EIF2AK4: variants seen among roughly 807,000 people sequenced by gnomAD.
The protein encoded by EIF2AK4 is eIF-2-alpha kinase GCN2.
EIF2AK4 carries 139 observed loss-of-function variants against 211.1 expected under a neutral mutation model. That is an observed-to-expected ratio of 0.66 (90% confidence interval 0.57 to 0.76). The LOEUF (loss-of-function observed/expected upper bound fraction) is 0.76, where lower values mean the gene tolerates loss of function less well. Ranked by LOEUF, EIF2AK4 falls within the 30% of genes least tolerant of loss-of-function variation. The probability of loss-of-function intolerance (pLI) is 0.00; values close to 1 mark genes in which losing one functional copy is unlikely to be tolerated. For missense variants in EIF2AK4, 1,664 were observed against 2,043.8 expected, an observed-to-expected ratio of 0.81 and a Z score of 3.58; for synonymous variants, 710 against 751.3, an observed-to-expected ratio of 0.94 and a Z score of 0.90.
chr15:40,029,940 A>G (rs768512197), intron 34 of EIF2AK4, among the ~76,000 whole-genome samples: 1 of 152,206 alleles, frequency 6.6e-6, no homozygotes, highest in African/African-American at 2.4e-5. Context: ...ATGAGAAGAC[A>G]TATTTGGCTT....
intron 25 of EIF2AK4, among the ~76,000 whole-genome samples, chr15:40,009,069 T>TTTTTGTTTTGTTTTGTTTTGTTTTG (rs57240792): frequency 1.3e-4 from 19 of 146,642 alleles, no homozygotes; most frequent in African/African-American, 4.5e-4. Flanking sequence ...GTCAGAGTTG[T>TTTTTGTTTTGTTTTGTTTTGTTTTG]TTTTGTTTTG....
intron 13 of EIF2AK4, among the ~76,000 whole-genome samples, chr15:39,981,205 A>G (rs1306866585): frequency 6.6e-6 from 1 of 152,090 alleles, no homozygotes; most frequent in Non-Finnish European, 1.5e-5. Context: ...CCCCATCTCT[A>G]CTAAAAATAC....
At chr15:39,948,687 G>C (rs115238440) in intron 3 of EIF2AK4, among the ~76,000 whole-genome samples, 2,675 of 152,264 alleles carry the variant, frequency 0.018, 81 homozygotes, top group African/African-American at 0.061. Context: ...AAAAAGCTCT[G>C]ATCTTAGCAA....
chr15:40,033,540 CTTT>C (rs1210332082), intron 37 of EIF2AK4, among the ~76,000 whole-genome samples: 1 of 152,154 alleles, frequency 6.6e-6, no homozygotes, highest in Non-Finnish European at 1.5e-5. Context: ...TCAAAGAATA[CTTT>C]TTTGTCTATC....
chr15:40,028,111 T>G (rs984644820), intron 33 of EIF2AK4, among the ~76,000 whole-genome samples: 5 of 151,836 alleles, frequency 3.3e-5, no homozygotes, highest in Non-Finnish European at 7.4e-5. Context: ...GTCTCACTTT[T>G]GCCGAGGCTG....
At chr15:39,957,093 A>G (rs1178145425) in intron 6 of EIF2AK4, among the ~76,000 whole-genome samples, 1 of 152,216 alleles carries the variant, frequency 6.6e-6, no homozygotes. Flanking sequence ...CAGAGTTTGA[A>G]GTTGTCAGAG....
intron 1 of EIF2AK4, among the ~76,000 whole-genome samples, chr15:39,936,447 C>T (rs1037985161): frequency 1.3e-5 from 2 of 152,190 alleles, no homozygotes; most frequent in Non-Finnish European, 2.9e-5. Context: ...GAGTTTCTCT[C>T]TGTCGCCCGG....
chr15:40,022,470 G>A, intron 31 of EIF2AK4, 49 bp from the exon 32 acceptor site: 1 of 1,474,614 alleles, frequency 6.8e-7, no homozygotes, highest in South Asian at 1.2e-5. Context: ...ACTTGAAGCT[G>A]TTCCAGGTGC....
At position 40,016,666 on chromosome 15, in the gene EIF2AK4, G is replaced by C; in HGVS notation, c.3924G>C (p.Lys1308Asn). Residue 1308 changes from lysine (K) to asparagine (N), a missense_variant, in exon 28 of 39, where the codon AAG becomes AAC. Around this residue, in one of 7 missense-constraint regions of EIF2AK4, gnomAD observed 622 missense variants for 796.8 expected, o/e 0.78. Coordinates refer to ENST00000263791, the MANE Select transcript of EIF2AK4 (RefSeq NM_001013703.4). ...VVGLLKKLGI[K>N]LQVLINLGLV... ...GACTGTTGAAGAAACTCGGCATCAAGTTACAGGTTTGGCAACAGTTTGATA... is the reference window on the plus strand; with the variant it reads ...GACTGTTGAAGAAACTCGGCATCAACTTACAGGTTTGGCAACAGTTTGATA... The C allele has an allele frequency of 6.2e-7, 1 of 1,614,058 alleles. No individual in the cohort carries two copies. The highest frequency in any genetic ancestry group is 8.5e-7 in the Non-Finnish European group (1 of 1,179,982).
chr15:39,935,999 G>A (rs1209815686), intron 1 of EIF2AK4, among the ~76,000 whole-genome samples: 1 of 152,132 alleles, frequency 6.6e-6, no homozygotes, highest in Non-Finnish European at 1.5e-5. Flanking sequence ...GCCAAAATAG[G>A]TGTCTCAAAG....
chr15:40,010,212 C>T (rs1430904967), intron 26 of EIF2AK4, among the ~76,000 whole-genome samples: 2 of 152,342 alleles, frequency 1.3e-5, no homozygotes, highest in East Asian at 3.9e-4. Context: ...TATTACCTTT[C>T]CTTTAGAGAC....
At chr15:39,951,514 A>G (rs575724109) in intron 4 of EIF2AK4, 2 of 397,102 alleles carry the variant, frequency 5.0e-6, no homozygotes, top group Admixed American at 3.2e-5. Context: ...CAAAGCACCA[A>G]TAGCTGCACT....
At chr15:39,981,485 G>A (rs2034784396) in intron 13 of EIF2AK4, among the ~76,000 whole-genome samples, 1 of 152,130 alleles carries the variant, frequency 6.6e-6, no homozygotes, top group South Asian at 2.1e-4. Flanking sequence ...TCAGTTAAGG[G>A]CAGCATCCAT....
chr15:39,943,462 C>G lies in EIF2AK4; in HGVS notation c.337C>G (p.Leu113Val). The G allele has an allele frequency of 6.4e-7, 1 of 1,567,788 alleles. No individual in the cohort carries two copies. The highest frequency in any genetic ancestry group is 8.6e-7 in the Non-Finnish European group (1 of 1,162,996). ...TTTGTTAAAATCTCGCCTAGAAGAACTGGCCAAGAAACACTGTGGGGAGGT... is the reference window on the plus strand; with the variant it reads ...TTTGTTAAAATCTCGCCTAGAAGAAGTGGCCAAGAAACACTGTGGGGAGGT... ...VNLLKSRLEE[L>V]AKKHCGEVMI... Residue 113 changes from leucine (L) to valine (V), a missense_variant, in exon 3 of 39, where the codon CTG becomes GTG. Physicochemically the swap from Leu to Val is conservative, Grantham distance 32 (BLOSUM62 1). This residue lies in a region of EIF2AK4 where 641 missense variants were observed against 729.6 expected (regional missense o/e 0.88). Transcript: ENST00000263791.
chr15:40,010,977 C>T (rs1386350824), intron 26 of EIF2AK4, among the ~76,000 whole-genome samples: 4 of 152,342 alleles, frequency 2.6e-5, no homozygotes, highest in African/African-American at 9.6e-5. Context: ...AAATGACTCC[C>T]TCCCTGCCCA....
At chr15:39,985,773 T>C in intron 13 of EIF2AK4, 32 bp from the exon 14 acceptor site, 2 of 1,611,700 alleles carry the variant, frequency 1.2e-6, no homozygotes, top group East Asian at 2.2e-5. Flanking sequence ...TTGGCCTCCA[T>C]TTTGAGTTAT....
chr15:39,972,249 C>T (rs2034635213), intron 9 of EIF2AK4, among the ~76,000 whole-genome samples: 1 of 150,886 alleles, frequency 6.6e-6, no homozygotes, highest in Non-Finnish European at 1.5e-5. Flanking sequence ...GTCCCAGCTA[C>T]TGAGATGGGA....
intron 9 of EIF2AK4, among the ~76,000 whole-genome samples, chr15:39,972,589 A>G (rs2034640164): frequency 6.6e-6 from 1 of 152,134 alleles, no homozygotes; most frequent in African/African-American, 2.4e-5. Context: ...AAGGCATTAA[A>G]CTGTTCATCG....
chr15:40,008,219 C>T (rs1009402490), intron 25 of EIF2AK4, 24 bp downstream of exon 25: 21 of 1,564,898 alleles, frequency 1.3e-5, no homozygotes, highest in African/African-American at 1.1e-4. Context: ...TTTTAACATT[C>T]CAAGATTCCC....
Sources: gnomAD v4.1 joint callset for allele counts (sites outside exome capture counted in the v4.1 genomes callset) on GRCh38, gnomAD v4.1.1 for gene constraint, gnomAD v4.1.1 regional missense constraint, MANE v1.5 for transcripts, NCBI Gene and HGNC (gene_info 2026-07-23, HGNC 2026-07-21) for gene names.